CYP4F8: variants seen among roughly 807,000 people sequenced by gnomAD.
CYP4F8 encodes cytochrome P450 family 4 subfamily F member 8, also known as cytochrome P450 4F8.
A neutral mutation model predicts 55.0 loss-of-function variants in CYP4F8; 56 were observed. That is an observed-to-expected ratio of 1.02 (90% CI 0.82 to 1.27). The LOEUF is 1.27. Ranked by LOEUF, CYP4F8 falls within the 50% of genes most tolerant of loss-of-function variation. The pLI is 0.00. For synonymous variants in CYP4F8, 288 were observed against 267.3 expected (o/e 1.08, Z -0.76); for missense variants, 680 against 682.4 (o/e 1.00, Z 0.04).
chr19:15,615,540 C>G (rs1235365337), intron 1 of CYP4F8, 76 bp from the exon 2 acceptor site: 10 of 1,489,166 alleles, frequency 6.7e-6, no homozygotes, highest in Non-Finnish European at 9.0e-6. Flanking sequence ...CCATGTTTAC[C>G]CATCATTGGT....
intron 8 of CYP4F8, 31 bp from the exon 9 acceptor site, chr19:15,623,934 A>C (rs765004052): frequency 6.2e-7 from 1 of 1,611,864 alleles, no homozygotes; most frequent in South Asian, 1.1e-5. Context: ...GAAGCAGCCC[A>C]GAGACTCAAG....
At chr19:15,626,445 C>A (rs1241299731) in intron 9 of CYP4F8, among the ~76,000 whole-genome samples, 1 of 152,220 alleles carries the variant, frequency 6.6e-6, no homozygotes, top group Non-Finnish European at 1.5e-5. Context: ...GCTTCCATTT[C>A]TATGACAGCT....
Position 15,622,423 on chromosome 19 carries a change from G to A in CYP4F8, c.647+83G>A, listed in dbSNP as rs1358707642. On this transcript the variant is annotated intron_variant, in intron 6 of 12. Transcript: ENST00000612078. ...AGAGCAAAGCCCAGGGAGACAAGAAGAGCCTTCCTGGAGAGATGATGAGAA... is the reference window on the plus strand; with the variant it reads ...AGAGCAAAGCCCAGGGAGACAAGAAAAGCCTTCCTGGAGAGATGATGAGAA... 9 of 1,570,534 alleles carry A rather than the reference G, an allele frequency of 5.7e-6. 1 individual carries two copies. The East Asian group carries it at 1.4e-4, about 24-fold the overall frequency.
chr19:15,625,068 CT>C (rs1255870997), intron 9 of CYP4F8, among the ~76,000 whole-genome samples: 1 of 150,628 alleles, frequency 6.6e-6, no homozygotes, highest in African/African-American at 2.4e-5. Flanking sequence ...GTTTGTGTTT[CT>C]TAAAAAAATA....
intron 5 of CYP4F8, 91 bp from the exon 6 acceptor site, chr19:15,622,128 C>G (rs935269867): frequency 1.3e-6 from 2 of 1,489,306 alleles, no homozygotes; most frequent in Non-Finnish European, 1.8e-6. Context: ...CAGGAGCATG[C>G]CTCTGGGGGA....
chr19:15,620,372 A>T (rs1972178112), intron 5 of CYP4F8, among the ~76,000 whole-genome samples: 1 of 152,142 alleles, frequency 6.6e-6, no homozygotes, highest in Admixed American at 6.5e-5. Flanking sequence ...CAGTGAGAGG[A>T]GGATACAATG....
intron 9 of CYP4F8, among the ~76,000 whole-genome samples, chr19:15,625,986 T>C (rs373748565): frequency 2.0e-5 from 3 of 152,318 alleles, no homozygotes; most frequent in East Asian, 3.9e-4. Context: ...AATATAGCAC[T>C]ATGATTTGTG....
In CYP4F8 at chr19:15,619,789, G is replaced by A. The variant is rs150105388; in HGVS notation, c.525+27G>A. On this transcript the variant is annotated intron_variant, in intron 5 of 12. Transcript: ENST00000612078. ...TGAGTGCCTTGAACTCAGCATCCCA[G>A]CTGCAGCCTTGGGGTGGAGGGATCA... 1.9e-6 allele frequency: 3 copies of A among 1,611,526 alleles called. No homozygotes were observed. The Admixed American group carries it at 5.0e-5, about 27-fold the overall frequency.
chr19:15,629,214 C>A lies in CYP4F8; in HGVS notation c.1419C>A (p.Phe473Leu). Reference sequence around the variant, plus strand: ...CCAGGAACTGCATCGGGCAGAAGTTCGCGATGGCAGAGATGAAGGTGGTCC... The same window carrying A: ...CCAGGAACTGCATCGGGCAGAAGTTAGCGATGGCAGAGATGAAGGTGGTCC... ...AGPRNCIGQK[F>L]AMAEMKVVLA... is the part of the protein sequence containing the mutation. The change falls in exon 13 of 13, where the codon TTC (phenylalanine) becomes TTA (leucine). Residue 473 changes from phenylalanine (F) to leucine (L), a missense_variant. Phe to Leu is a conservative substitution (Grantham distance 22). Coordinates refer to ENST00000612078, the MANE Select transcript of CYP4F8 (RefSeq NM_007253.4). The A allele has an allele frequency of 6.2e-7, 1 of 1,610,894 alleles. No individual in the cohort carries two copies. The highest frequency in any genetic ancestry group is 8.5e-7 in the Non-Finnish European group (1 of 1,178,600).
chr19:15,622,676 C>A, intron 6 of CYP4F8: 1 of 366,432 alleles, frequency 2.7e-6, no homozygotes, highest in Admixed American at 4.5e-5. Flanking sequence ...TGCATTTTAT[C>A]CAAGGTTCCT....
In CYP4F8 at chr19:15,629,286, G is replaced by A; in HGVS notation, c.1491G>A (p.Glu497=). 6.2e-7 allele frequency: 1 copy of A among 1,613,330 alleles called. No homozygotes were observed. Among genetic ancestry groups the A allele is most frequent in the Non-Finnish European group, 8.5e-7 (1 of 1,179,658 alleles). The part of the protein sequence containing the change: ...LRFRILPDHR[E]PRRTPEIVLR... ...TCCGCATCCTGCCCGACCACAGGGA[G>A]CCACGCAGGACGCCGGAGATTGTTT... Residue 497 remains glutamate (E), a synonymous_variant, in exon 13 of 13, where the codon GAG becomes GAA. Coordinates refer to ENST00000612078, the MANE Select transcript of CYP4F8 (RefSeq NM_007253.4).
In CYP4F8 at chr19:15,628,283, T is replaced by C; in HGVS notation, c.1116-19T>C. On this transcript the variant is annotated intron_variant, in intron 9 of 12. Transcript: ENST00000612078. Reference sequence around the variant, plus strand: ...AGGGCCGTGTATGCTCTCTGGATAATTGTTGGGTGTTTCCTTAGGGACGAC... The same window carrying C: ...AGGGCCGTGTATGCTCTCTGGATAACTGTTGGGTGTTTCCTTAGGGACGAC... 6.2e-7 allele frequency: 1 copy of C among 1,613,836 alleles called. No individual in the cohort carries two copies. The highest frequency in any genetic ancestry group is 8.5e-7 in the Non-Finnish European group (1 of 1,179,938).
In CYP4F8 at chr19:15,618,151, C is replaced by CT. The variant is rs756866665; in HGVS notation, c.343+8dup. The CT allele has an allele frequency of 6.2e-7, 1 of 1,614,108 alleles. No individual in the cohort carries two copies. Among genetic ancestry groups the CT allele is most frequent in the East Asian group, 2.2e-5 (1 of 44,890 alleles). ...TCTGTCATCAATACCTCAGGTACTC[C>CT]TGCAGAGCTTGTGGTGGTGGGCACA... On this transcript the variant is annotated splice_region_variant and intron_variant, in intron 3 of 12. Coordinates refer to ENST00000612078, the MANE Select transcript of CYP4F8 (RefSeq NM_007253.4).
At chr19:15,621,938 A>C in intron 5 of CYP4F8, 2 of 286,324 alleles carry the variant, frequency 7.0e-6, no homozygotes, top group East Asian at 8.3e-5. Flanking sequence ...CTTGATTGCT[A>C]TTGAGGATTT....
At chr19:15,618,642 G>A (rs1161256512) in intron 3 of CYP4F8, 5 of 287,742 alleles carry the variant, frequency 1.7e-5, no homozygotes, top group African/African-American at 6.6e-5. Context: ...TAGTATTCAA[G>A]GCTCCGGGCC....
At position 15,618,059 on chromosome 19, in the gene CYP4F8, G is replaced by A; in HGVS notation, c.258G>A (p.Gln86=). The part of the protein sequence containing the change: ...VLTQLVATYP[Q]GFVRWLGPIT... ...CCCAGCTGGTGGCCACCTACCCCCA[G>A]GGCTTTGTGAGGTGGTTGGGCCCCA... Residue 86 remains glutamine (Q), a synonymous_variant, in exon 3 of 13, where the codon CAG becomes CAA. Transcript: ENST00000612078. The A allele has an allele frequency of 3.7e-6, 6 of 1,614,102 alleles. No homozygotes were observed. Among genetic ancestry groups the A allele is most frequent in the Non-Finnish European group, 5.1e-6 (6 of 1,179,982 alleles).
At chr19:15,617,520 A>ATCTATCTATCTATCTATCTG (rs1972138794) in intron 2 of CYP4F8, among the ~76,000 whole-genome samples, 1 of 125,996 alleles carries the variant, frequency 7.9e-6, no homozygotes, top group African/African-American at 2.9e-5. Flanking sequence ...CTATCTATCT[A>ATCTATCTATCTATCTATCTG]TCTATCTATC....
At chr19:15,620,819 A>G (rs1972184124) in intron 5 of CYP4F8, among the ~76,000 whole-genome samples, 1 of 152,244 alleles carries the variant, frequency 6.6e-6, no homozygotes, top group African/African-American at 2.4e-5. Flanking sequence ...CTAAAAAATC[A>G]CATTGCAAAA....
At chr19:15,618,494 A>G (rs563331117) in intron 3 of CYP4F8, 13 of 392,764 alleles carry the variant, frequency 3.3e-5, no homozygotes, top group Admixed American at 7.2e-5. Flanking sequence ...ATAGGCTGTG[A>G]CAGAGCATAG....
Sources: allele counts gnomAD v4.1 joint callset (sites outside exome capture counted in the v4.1 genomes callset), GRCh38; gene constraint gnomAD v4.1.1; transcripts MANE v1.5; gene names NCBI Gene and HGNC (gene_info 2026-07-23, HGNC 2026-07-21).